Variants in POC1A observed in about 807,000 individuals in gnomAD.
The protein encoded by POC1A is POC1 centriolar protein homolog A.
A neutral mutation model predicts 47.8 loss-of-function variants in POC1A; 34 were observed. The ratio of observed to expected loss-of-function variants is 0.71; its 90% CI spans 0.54 to 0.95. The LOEUF is 0.95. POC1A is among the 40% of genes least tolerant of loss of function. POC1A has a pLI of 0.00. For missense variants in POC1A, 466 were observed against 528.3 expected (o/e 0.88, Z 1.16); for synonymous variants, 177 against 207.6 (o/e 0.85, Z 1.27).
At chr3:52,113,013 GC>G (rs1309240607) in intron 9 of POC1A, among the ~76,000 whole-genome samples, 6 of 152,150 alleles carry the variant, frequency 3.9e-5, no homozygotes, top group Non-Finnish European at 7.3e-5. Context: ...GTTTTAACAA[GC>G]CCTCAGAGTG....
At chr3:52,148,934 C>A (rs1698459980) in intron 4 of POC1A, among the ~76,000 whole-genome samples, 1 of 152,216 alleles carries the variant, frequency 6.6e-6, no homozygotes, top group Non-Finnish European at 1.5e-5. Flanking sequence ...CCCCTGTTGA[C>A]CCAGTTTGTG....
At chr3:52,081,528 G>T (rs1246390796) in intron 10 of POC1A, among the ~76,000 whole-genome samples, 1 of 152,190 alleles carries the variant, frequency 6.6e-6, no homozygotes, top group Non-Finnish European at 1.5e-5. Context: ...GGCAGGAAGA[G>T]GATCAGGACC....
rs59028696 is a variant in POC1A at position 52,111,652 on chromosome 3, TAAAAAA to T, written c.981+10721_981+10726del. ...GAATGGCTAGACTCTGTCTCAAAAT[TAAAAAA>T]AAAAAAAAAAAAAAAAAAGAGGCTC... is the stretch of plus-strand genomic sequence containing the variant. On this transcript the variant is annotated intron_variant, in intron 9 of 10. Transcript: ENST00000296484. Among the ~76,000 whole-genome samples the T allele has an allele frequency of 5.3e-5, 5 of 95,180 alleles. 1 individual carries two copies. Among genetic ancestry groups the T allele is most frequent in the East Asian group, 2.6e-4 (1 of 3,908 alleles). 62.4% of individuals were successfully genotyped at this position (95,180 alleles called of 152,430 possible).
intron 9 of POC1A, among the ~76,000 whole-genome samples, chr3:52,114,217 T>G (rs9817653): frequency 0.14 from 20,667 of 152,184 alleles, 2,165 homozygotes; most frequent in African/African-American, 0.29. Context: ...TGAAAATCCT[T>G]TCCAGGAAAG....
chr3:52,077,150 C>T (rs1316615263), intron 10 of POC1A, among the ~76,000 whole-genome samples: 1 of 152,206 alleles, frequency 6.6e-6, no homozygotes, highest in East Asian at 1.9e-4. Context: ...CCCCTGCTGG[C>T]CAATGGATGA....
chr3:52,113,441 G>A (rs555406025), intron 9 of POC1A, among the ~76,000 whole-genome samples: 51 of 152,314 alleles, frequency 3.3e-4, no homozygotes, highest in African/African-American at 9.4e-4. Flanking sequence ...GGTGGCTCAC[G>A]CCTGCAATCC....
At chr3:52,125,903 C>T (rs188941214) in intron 7 of POC1A, among the ~76,000 whole-genome samples, 2 of 152,118 alleles carry the variant, frequency 1.3e-5, no homozygotes, top group Non-Finnish European at 2.9e-5. Flanking sequence ...CAGTCCAGGG[C>T]GGGGGAGATG....
At chr3:52,116,365 C>T (rs146955043) in intron 9 of POC1A, among the ~76,000 whole-genome samples, 11 of 152,322 alleles carry the variant, frequency 7.2e-5, no homozygotes, top group Admixed American at 2.6e-4. Flanking sequence ...TCCTTCGGCA[C>T]GGATGAGGCT....
At chr3:52,131,664 C>T (rs992427712) in intron 7 of POC1A, among the ~76,000 whole-genome samples, 2 of 152,192 alleles carry the variant, frequency 1.3e-5, no homozygotes, top group African/African-American at 2.4e-5. Flanking sequence ...AGCAAACCCA[C>T]GAGGGCAGCT....
chr3:52,079,094 G>A lies in POC1A; in HGVS notation c.1126-3109C>T, dbSNP rs1485596945. Among the ~76,000 whole-genome samples the A allele has an allele frequency of 6.6e-6, 1 of 152,232 alleles. No individual in the cohort carries two copies. The highest frequency in any genetic ancestry group is 1.5e-5 in the Non-Finnish European group (1 of 68,030). ...CTGAGGTGGCAGAAGGGGTGTGTGG[G>A]GAGTACCCCTGGCACAGACTGGTTT... is the stretch of plus-strand genomic sequence containing the variant. On this transcript the variant is annotated intron_variant, in intron 10 of 10. Coordinates refer to ENST00000296484, the MANE Select transcript of POC1A (RefSeq NM_015426.5). The surrounding 1 kb of genome is among the most constrained non-coding windows in gnomAD (Gnocchi z 4.6).
rs1698482534 is a variant in POC1A at position 52,149,507 on chromosome 3, A to T, written c.276-118T>A. On this transcript the variant is annotated intron_variant, in intron 3 of 10. Coordinates refer to ENST00000296484, the MANE Select transcript of POC1A (RefSeq NM_015426.5). ...CTCCCAAAGTCAGTCAAGCCCGAGT[A>T]CCCCAGTCTCCACAAGGGAAAGCCA... The T allele has an allele frequency of 3.3e-6, 3 of 896,926 alleles. No homozygotes were observed. In the East Asian group the frequency reaches 7.8e-5, roughly 23 times the overall value. 55.6% of individuals were successfully genotyped at this position (896,926 alleles called of 1,614,324 possible). A position where few individuals can be genotyped will look rare whatever the true frequency, so the allele number is the denominator to read the frequency against.
intron 10 of POC1A, among the ~76,000 whole-genome samples, chr3:52,092,843 G>A (rs1006739791): frequency 3.3e-5 from 5 of 152,246 alleles, no homozygotes; most frequent in African/African-American, 1.2e-4. Context: ...TGCTGTGCAA[G>A]TCCCAAGGGC....
At chr3:52,077,283 A>G (rs1309839604) in intron 10 of POC1A, among the ~76,000 whole-genome samples, 1 of 152,234 alleles carries the variant, frequency 6.6e-6, no homozygotes, top group Non-Finnish European at 1.5e-5. Flanking sequence ...GGGCTCCATG[A>G]AGTCCTGGGC....
Position 52,149,833 on chromosome 3 carries a change from G to A in POC1A, c.258C>T (p.Arg86=). Reference sequence around the variant, plus strand: ...CGACTCACACATTGGGTACCCAGATGCGGACAGTCTTGTCTCGGGAGCCGG... The same window carrying A: ...CGACTCACACATTGGGTACCCAGATACGGACAGTCTTGTCTCGGGAGCCGG... The part of the protein sequence containing the change: ...LASGSRDKTV[R]IWVPNVKGES... The change falls in exon 3 of 11, where the codon CGC becomes CGT. Residue 86 remains arginine, a synonymous_variant. Transcript: ENST00000296484. The A allele has an allele frequency of 6.2e-7, 1 of 1,613,722 alleles. No homozygotes were observed. The highest frequency in any genetic ancestry group is 8.5e-7 in the Non-Finnish European group (1 of 1,179,922).
chr3:52,147,129 C>G (rs370353585), intron 4 of POC1A, 34 bp from the exon 5 acceptor site: 49 of 1,513,822 alleles, frequency 3.2e-5, no homozygotes, highest in Non-Finnish European at 4.0e-5. Flanking sequence ...ACATCACAGA[C>G]TAACAGACGA....
intron 9 of POC1A, among the ~76,000 whole-genome samples, chr3:52,118,226 G>C (rs1036675650): frequency 6.6e-6 from 1 of 152,122 alleles, no homozygotes; most frequent in Non-Finnish European, 1.5e-5. Context: ...TCCACCCTCA[G>C]CCCAGAGCAT....
At chr3:52,092,393 C>G (rs1702672563) in intron 10 of POC1A, among the ~76,000 whole-genome samples, 2 of 152,208 alleles carry the variant, frequency 1.3e-5, no homozygotes, top group African/African-American at 4.8e-5. Context: ...TAGGGATGCT[C>G]TGGCCCACAG....
chr3:52,112,069 C>T (rs1422822504), intron 9 of POC1A, among the ~76,000 whole-genome samples: 1 of 152,242 alleles, frequency 6.6e-6, no homozygotes, highest in Admixed American at 6.5e-5. Flanking sequence ...AATAAAACCA[C>T]ACGCCTGCCT....
rs566098860 is a variant in POC1A at position 52,108,748 on chromosome 3, C to T, written c.982-12036G>A. Among the ~76,000 whole-genome samples the T allele has an allele frequency of 1.2e-4, 19 of 152,320 alleles. No individual in the cohort carries two copies. The South Asian group carries it at 3.5e-3, about 28-fold the overall frequency. ...CCCTCCACCAGCAGCCCCACGATTC[C>T]CAGGGAGGAGTTGCAGAAGGCTGTG... On this transcript the variant is annotated intron_variant, in intron 9 of 10. Coordinates refer to ENST00000296484, the MANE Select transcript of POC1A (RefSeq NM_015426.5).
Sources: gnomAD v4.1 joint callset for allele counts (sites outside exome capture counted in the v4.1 genomes callset) on GRCh38, gnomAD v4.1.1 for gene constraint, Gnocchi (gnomAD v3.1) non-coding constraint, MANE v1.5 for transcripts, NCBI Gene and HGNC (gene_info 2026-07-23, HGNC 2026-07-21) for gene names.